AGR2: variants seen among roughly 807,000 people sequenced by gnomAD.
The protein encoded by AGR2 is anterior gradient 2, protein disulphide isomerase family member, also known as anterior gradient protein 2 homolog.
Under a neutral mutation model 25.9 loss-of-function variants are expected in AGR2, and 27 were observed. The ratio of observed to expected loss-of-function variants is 1.04; its 90% CI spans 0.77 to 1.44. The LOEUF is 1.44. Ranked by LOEUF, AGR2 falls within the 40% of genes most tolerant of loss-of-function variation. AGR2 has a pLI of 0.00. For synonymous variants in AGR2, 78 were observed against 72.0 expected, an observed-to-expected ratio of 1.08 and a Z score of -0.42; for missense variants, 182 against 200.9, an observed-to-expected ratio of 0.91 and a Z score of 0.57.
chr7:16,800,394 C>T (rs1278509409), intron 4 of AGR2, among the ~76,000 whole-genome samples: 2 of 152,114 alleles, frequency 1.3e-5, no homozygotes, highest in East Asian at 3.9e-4. Context: ...GTGGGAGGAA[C>T]AGCACGAAGG....
chr7:16,799,279 A>G (rs2115356980), intron 5 of AGR2, among the ~76,000 whole-genome samples: 1 of 152,296 alleles, frequency 6.6e-6, no homozygotes, highest in Non-Finnish European at 1.5e-5. Flanking sequence ...TATACAGTAA[A>G]AAGAACTTGC....
At position 16,797,602 on chromosome 7, in the gene AGR2, C is replaced by T. The variant is rs761206482; in HGVS notation, c.394+29G>A. ...GGATGGCAGCACTAGTATGTGTTTCCGAGTTATCTCACTGTCACTTCCGCT... is the reference window on the plus strand; with the variant it reads ...GGATGGCAGCACTAGTATGTGTTTCTGAGTTATCTCACTGTCACTTCCGCT... On this transcript the variant is annotated intron_variant, in intron 6 of 7. Coordinates refer to ENST00000419304, the MANE Select transcript of AGR2 (RefSeq NM_006408.4). The T allele has an allele frequency of 1.9e-5, 31 of 1,608,168 alleles. No individual in the cohort carries two copies. In the South Asian group the frequency reaches 2.0e-4, roughly 10 times the overall value.
At chr7:16,795,486 C>G (rs1203250118) in intron 6 of AGR2, among the ~76,000 whole-genome samples, 8 of 152,040 alleles carry the variant, frequency 5.3e-5, no homozygotes, top group Admixed American at 1.3e-4. Context: ...GAATGCAAGT[C>G]CTTAACAACA....
chr7:16,800,606 G>C (rs1401114782), intron 4 of AGR2, among the ~76,000 whole-genome samples: 1 of 152,230 alleles, frequency 6.6e-6, no homozygotes, highest in Non-Finnish European at 1.5e-5. Flanking sequence ...CTGGCTGTAG[G>C]GTGGCCAGTT....
rs1193905324 is a variant in AGR2, at chr7:16,795,039, A to G, written c.395-20T>C. On this transcript the variant is annotated intron_variant, in intron 6 of 7. Transcript: ENST00000419304. ...ATGGGTCTGCAAAGATAAATGAAGC[A>G]AAAGGGAATGGAATGGTTTGTTTTC... 1 of 1,612,996 alleles carries G rather than the reference A, an allele frequency of 6.2e-7. No homozygotes were observed. The highest frequency in any genetic ancestry group is 2.2e-5 in the East Asian group (1 of 44,898).
intron 4 of AGR2, among the ~76,000 whole-genome samples, chr7:16,800,485 A>T (rs1785123788): frequency 6.6e-6 from 1 of 152,192 alleles, no homozygotes; most frequent in East Asian, 1.9e-4. Context: ...TGTCAGCCTC[A>T]TAGGTTGTGA....
chr7:16,799,191 G>A (rs1054928686), intron 5 of AGR2, among the ~76,000 whole-genome samples: 3 of 151,978 alleles, frequency 2.0e-5, no homozygotes, highest in East Asian at 1.9e-4. Context: ...AGGAAGGGCC[G>A]GAGGGCTCAA....
In AGR2 at chr7:16,792,912, A is replaced by G; in HGVS notation, c.524T>C (p.Leu175Ser). 1.2e-6 allele frequency: 2 copies of G among 1,613,944 alleles called. No individual in the cohort carries two copies. The highest frequency in any genetic ancestry group is 1.7e-6 in the Non-Finnish European group (2 of 1,179,854). ...KKALKLLKTE[L>S] ...GGGCTTGGAGATTTTTTTTCTTTACAATTCAGTCTTCAGCAACTTGAGAGC... is the reference window on the plus strand; with the variant it reads ...GGGCTTGGAGATTTTTTTTCTTTACGATTCAGTCTTCAGCAACTTGAGAGC... The change falls in exon 8 of 8, where the codon TTG (leucine) becomes TCG (serine). Residue 175 changes from leucine (L) to serine (S), a missense_variant. By Grantham distance (145) the Leu-to-Ser change is moderately radical (BLOSUM62 -2). Coordinates refer to ENST00000419304, the MANE Select transcript of AGR2 (RefSeq NM_006408.4).
At chr7:16,804,604 G>A (rs3817510) in intron 1 of AGR2, among the ~76,000 whole-genome samples, 25,539 of 152,122 alleles carry the variant, frequency 0.17, 2,343 homozygotes, top group South Asian at 0.27. Context: ...GGGAAAGAAA[G>A]CTTTAGATGG....
intron 4 of AGR2, among the ~76,000 whole-genome samples, chr7:16,800,786 CAAGTTTGGGAACCTTCT>C (rs1785128443): frequency 1.3e-5 from 2 of 152,230 alleles, no homozygotes; most frequent in Admixed American, 1.3e-4. Context: ...AAGTTTAAAC[CAAGTTTGGGAACCTTCT>C]AAGCTTGGGG....
intron 1 of AGR2, among the ~76,000 whole-genome samples, chr7:16,802,746 A>G (rs559990433): frequency 1.3e-5 from 2 of 152,128 alleles, no homozygotes; most frequent in South Asian, 2.1e-4. Context: ...AGAGTTATCT[A>G]TATAGATATA....
intron 7 of AGR2, 35 bp from the exon 8 acceptor site, chr7:16,792,992 C>T (rs374150474): frequency 2.1e-5 from 33 of 1,588,204 alleles, no homozygotes; most frequent in Non-Finnish European, 2.9e-5. Context: ...GTCAAGACAC[C>T]ATCGTGCGTT....
At chr7:16,795,155 T>C (rs971479979) in intron 6 of AGR2, 136 bp from the exon 7 acceptor site, 8 of 937,032 alleles carry the variant, frequency 8.5e-6, no homozygotes, top group Non-Finnish European at 1.2e-5. Context: ...ACAGGAGCTC[T>C]GATCCATCCA....
rs1785074775 is a variant in AGR2 at position 16,797,781 on chromosome 7, G to A, written c.331-87C>T. ...TTAATACAAGAATCTGTCCATTTCC[G>A]GCCAGGCATCTCAAGATATCATAAC... On this transcript the variant is annotated intron_variant, in intron 5 of 7. Coordinates refer to ENST00000419304, the MANE Select transcript of AGR2 (RefSeq NM_006408.4). The A allele has an allele frequency of 8.8e-6, 9 of 1,024,876 alleles. No individual in the cohort carries two copies. The Admixed American group carries it at 1.3e-4, about 15-fold the overall frequency. 63.5% of individuals were successfully genotyped at this position (1,024,876 alleles called of 1,614,324 possible).
intron 1 of AGR2, among the ~76,000 whole-genome samples, chr7:16,804,203 A>C (rs1194819036): frequency 6.6e-6 from 1 of 150,586 alleles, no homozygotes; most frequent in East Asian, 2.0e-4. Flanking sequence ...TTTCCTGCAT[A>C]AACCACCTCA....
At chr7:16,801,564 T>C in intron 2 of AGR2, 94 bp downstream of exon 2, 1 of 1,518,034 alleles carries the variant, frequency 6.6e-7, no homozygotes, top group South Asian at 1.1e-5. Flanking sequence ...AAAAATAACC[T>C]GGCACCAGGT....
At chr7:16,795,423 C>T (rs1034442377) in intron 6 of AGR2, among the ~76,000 whole-genome samples, 3 of 150,212 alleles carry the variant, frequency 2.0e-5, no homozygotes, top group Non-Finnish European at 2.9e-5. Context: ...TCATTGGAAA[C>T]CCACATCCAA....
At chr7:16,793,453 C>T (rs1260443748) in intron 7 of AGR2, among the ~76,000 whole-genome samples, 1 of 152,188 alleles carries the variant, frequency 6.6e-6, no homozygotes, top group Non-Finnish European at 1.5e-5. Context: ...CTAGTGTAGT[C>T]ATTCCTTCCC....
intron 4 of AGR2, among the ~76,000 whole-genome samples, chr7:16,800,065 C>A (rs1031276218): frequency 6.6e-6 from 1 of 152,116 alleles, no homozygotes; most frequent in African/African-American, 2.4e-5. Context: ...TATTGAATGG[C>A]TGCCATGTGT....
Sources: gnomAD v4.1 joint callset for allele counts (sites outside exome capture counted in the v4.1 genomes callset) on GRCh38, gnomAD v4.1.1 for gene constraint, MANE v1.5 for transcripts, NCBI Gene and HGNC (gene_info 2026-07-23, HGNC 2026-07-21) for gene names.